Variants in CD109 observed in about 807,000 individuals in gnomAD.
CD109 encodes CD109 antigen.
CD109 carries 149 observed loss-of-function variants against 165.8 expected under a neutral mutation model. The ratio of observed to expected loss-of-function variants is 0.90; its 90% CI spans 0.79 to 1.03. The LOEUF (loss-of-function observed/expected upper bound fraction) is 1.03. Ranked by LOEUF, CD109 falls within the 50% of genes least tolerant of loss-of-function variation. The pLI is 0.00. For missense variants in CD109, 1,712 were observed against 1,677.8 expected, an observed-to-expected ratio of 1.02 and a Z score of -0.36; for synonymous variants, 585 against 592.1, an observed-to-expected ratio of 0.99 and a Z score of 0.18.
intron 24 of CD109, among the ~76,000 whole-genome samples, chr6:73,804,670 A>G (rs1361618528): frequency 2.6e-5 from 4 of 152,226 alleles, no homozygotes; most frequent in African/African-American, 9.6e-5. Flanking sequence ...TCTATAGGAG[A>G]GAAAAATATC....
In CD109 at chr6:73,697,513, T is replaced by C. The variant is rs764481921; in HGVS notation, c.188T>C (p.Leu63Pro). The change falls in exon 2 of 33, where the codon CTC becomes CCC. Residue 63 changes from leucine to proline, a missense_variant. Transcript: ENST00000287097. ...PSQVTVKAEL[L>P]KTASNLTVSV... ...CAGGTGACTGTGAAGGCGGAGCTGC[T>C]CAAGACAGCATCAAACCTCACTGTC... 1.2e-6 allele frequency: 2 copies of C among 1,614,082 alleles called. No homozygotes were observed. Among genetic ancestry groups the C allele is most frequent in the South Asian group, 1.1e-5 (1 of 91,072 alleles).
chr6:73,813,389 T>G (rs80103763), intron 29 of CD109, among the ~76,000 whole-genome samples: 3,612 of 152,210 alleles, frequency 0.024, 162 homozygotes, highest in African/African-American at 0.082. Flanking sequence ...ATAAACCAAA[T>G]GTAGAGAAAT....
At chr6:73,755,960 G>GA (rs1773373466) in intron 5 of CD109, among the ~76,000 whole-genome samples, 2 of 151,622 alleles carry the variant, frequency 1.3e-5, no homozygotes, top group Non-Finnish European at 2.9e-5. Flanking sequence ...GACCCTGTCT[G>GA]AAAAAACAAA....
rs369446412 is a variant in CD109 at position 73,696,251 on chromosome 6, C to T, written c.36C>T (p.Leu12=). ...QGPPLLTAAH[L]LCVCTAALAV... ...CACCGCTCCTGACCGCCGCCCACCT[C>T]CTCTGCGTGTGCACCGCCGCGCTGG... The change falls in exon 1 of 33, where the codon CTC becomes CTT. Residue 12 remains leucine, a synonymous_variant. Coordinates refer to ENST00000287097, the MANE Select transcript of CD109 (RefSeq NM_133493.5). The T allele has an allele frequency of 6.5e-7, 1 of 1,541,318 alleles. No homozygotes were observed. The highest frequency in any genetic ancestry group is 1.2e-5 in the South Asian group (1 of 84,180).
intron 5 of CD109, among the ~76,000 whole-genome samples, chr6:73,756,369 G>C (rs1406753080): frequency 6.6e-6 from 1 of 152,124 alleles, no homozygotes; most frequent in East Asian, 1.9e-4. Context: ...AGATTAAGCA[G>C]TTTGTTTAAA....
At chr6:73,822,639 A>G (rs1330639988) in intron 32 of CD109, among the ~76,000 whole-genome samples, 1 of 152,220 alleles carries the variant, frequency 6.6e-6, no homozygotes, top group Non-Finnish European at 1.5e-5. Context: ...TCTTGGGTGC[A>G]TGGGGAACAT....
chr6:73,715,618 C>CTT (rs893413130), intron 2 of CD109, among the ~76,000 whole-genome samples: 1 of 149,204 alleles, frequency 6.7e-6, no homozygotes, highest in Non-Finnish European at 1.5e-5. Flanking sequence ...ACAACTGATT[C>CTT]TTTTTTTAAT....
At chr6:73,786,850 A>G (rs1774714564) in intron 20 of CD109, among the ~76,000 whole-genome samples, 2 of 152,196 alleles carry the variant, frequency 1.3e-5, no homozygotes, top group South Asian at 4.1e-4. Context: ...GTTTTCTTCA[A>G]ATTTTTCTAA....
chr6:73,722,394 T>C (rs1420156463), intron 2 of CD109, among the ~76,000 whole-genome samples: 4 of 152,200 alleles, frequency 2.6e-5, no homozygotes, highest in Admixed American at 2.6e-4. Context: ...AGGTAATTTG[T>C]TCAAGGACAG....
At chr6:73,738,911 G>A (rs1372314518) in intron 5 of CD109, among the ~76,000 whole-genome samples, 1 of 152,138 alleles carries the variant, frequency 6.6e-6, no homozygotes, top group African/African-American at 2.4e-5. Flanking sequence ...AAGTGGCCTG[G>A]CTGTTCCAGA....
At chr6:73,776,824 TG>T in intron 15 of CD109, among the ~76,000 whole-genome samples, 1 of 152,078 alleles carries the variant, frequency 6.6e-6, no homozygotes, top group Non-Finnish European at 1.5e-5. Context: ...CCCAAAGTGC[TG>T]GGGTTACAGA....
intron 4 of CD109, among the ~76,000 whole-genome samples, chr6:73,735,361 C>T (rs906332261): frequency 2.6e-5 from 4 of 152,078 alleles, no homozygotes; most frequent in African/African-American, 9.7e-5. Flanking sequence ...CTCAGATTTG[C>T]GTTTCAGATG....
intron 6 of CD109, 27 bp from the exon 7 acceptor site, chr6:73,758,917 A>C: frequency 7.7e-7 from 1 of 1,301,514 alleles, no homozygotes; most frequent in Non-Finnish European, 1.1e-6. Flanking sequence ...AAAGAAAAAA[A>C]GATTTACCCT....
At position 73,827,861 on chromosome 6, in the gene CD109, A is replaced by G. The variant is rs1171108016; in HGVS notation, c.*4228A>G. 1 of 153,328 alleles carries G rather than the reference A, an allele frequency of 6.5e-6. No individual in the cohort carries two copies. The highest frequency in any genetic ancestry group is 1.5e-5 in the Non-Finnish European group (1 of 68,206). The allele number at this position is 153,328 out of a possible 1,614,324, so 9.5% of individuals were successfully genotyped here. On this transcript the variant is annotated 3_prime_UTR_variant, in exon 33 of 33. Coordinates refer to ENST00000287097, the MANE Select transcript of CD109 (RefSeq NM_133493.5). ...ATAATATTGATATATCTGTTGCTAC[A>G]TATTTAAGAATCATTCTATCTTATG... is the stretch of plus-strand genomic sequence containing the variant.
At chr6:73,733,385 T>G (rs1772435746) in intron 4 of CD109, among the ~76,000 whole-genome samples, 2 of 152,198 alleles carry the variant, frequency 1.3e-5, no homozygotes, top group Admixed American at 1.3e-4. Context: ...AGGGTGTTCA[T>G]TGTTGTTCTT....
intron 4 of CD109, among the ~76,000 whole-genome samples, chr6:73,730,985 G>A (rs560531680): frequency 6.6e-6 from 1 of 151,994 alleles, no homozygotes; most frequent in East Asian, 1.9e-4. Context: ...ATGTATTTGT[G>A]TGTGTGTATG....
chr6:73,708,572 A>G (rs1484124632), intron 2 of CD109, among the ~76,000 whole-genome samples: 1 of 152,204 alleles, frequency 6.6e-6, no homozygotes, highest in Non-Finnish European at 1.5e-5. Context: ...AGGAATCACC[A>G]CCCTGTCTTC....
At chr6:73,806,341 A>G (rs1284378395) in intron 24 of CD109, among the ~76,000 whole-genome samples, 1 of 149,076 alleles carries the variant, frequency 6.7e-6, no homozygotes, top group East Asian at 2.0e-4. Flanking sequence ...GAAGGGGAAC[A>G]TTACACACCG....
rs1776326529 is a variant in CD109, at chr6:73,828,119, C to T, written c.*4486C>T. ...GCTTTATAAAATTTCATTCACGAAT[C>T]TCTTATTTTGGGAAGCTGTTTTGCA... On this transcript the variant is annotated 3_prime_UTR_variant, in exon 33 of 33. Transcript: ENST00000287097. 6.5e-6 allele frequency: 1 copy of T among 154,770 alleles called. No homozygotes were observed. Among genetic ancestry groups the T allele is most frequent in the Non-Finnish European group, 1.5e-5 (1 of 68,216 alleles). 9.6% of individuals were successfully genotyped at this position (154,770 alleles called of 1,614,324 possible). A position where few individuals can be genotyped will look rare whatever the true frequency, so the allele number is the denominator to read the frequency against.
Sources: gnomAD v4.1 joint callset for allele counts (sites outside exome capture counted in the v4.1 genomes callset) on GRCh38, gnomAD v4.1.1 for gene constraint, MANE v1.5 for transcripts, NCBI Gene and HGNC (gene_info 2026-07-23, HGNC 2026-07-21) for gene names.